ENPP3: variants seen among roughly 807,000 people sequenced by gnomAD.
ENPP3 encodes ectonucleotide pyrophosphatase/phosphodiesterase 3, also known as ectonucleotide pyrophosphatase/phosphodiesterase family member 3.
ENPP3 carries 104 observed loss-of-function variants against 117.8 expected under a neutral mutation model. The ratio of observed to expected loss-of-function variants is 0.88; its 90% CI spans 0.75 to 1.04. The LOEUF (loss-of-function observed/expected upper bound fraction) is 1.04. Ranked by LOEUF, ENPP3 falls within the 50% of genes least tolerant of loss-of-function variation. The pLI, the probability that ENPP3 is intolerant of heterozygous loss-of-function variation, is 0.00. For missense variants in ENPP3, 1,026 were observed against 1,051.9 expected (o/e 0.98, Z 0.34); for synonymous variants, 380 against 349.9 (o/e 1.09, Z -0.96).
intron 14 of ENPP3, among the ~76,000 whole-genome samples, chr6:131,686,568 C>T (rs1352893928): frequency 6.6e-6 from 1 of 152,092 alleles, no homozygotes; most frequent in Non-Finnish European, 1.5e-5. Flanking sequence ...AGATTTGTTA[C>T]ATGGGAATAT....
In ENPP3 at chr6:131,730,673, T is replaced by G. The variant is rs74647930; in HGVS notation, c.1954-2915T>G. Among the ~76,000 whole-genome samples the G allele has an allele frequency of 9.1e-4, 139 of 152,334 alleles. 5 individuals carry two copies. In the East Asian group the frequency reaches 0.025, roughly 28 times the overall value. ...GCTCACGCCTGTAATCCCAGCACTT[T>G]GGGACGCTGAGTGGATGGATCACCT... is the stretch of plus-strand genomic sequence containing the variant. On this transcript the variant is annotated intron_variant, in intron 20 of 24. Transcript: ENST00000357639.
intron 6 of ENPP3, among the ~76,000 whole-genome samples, chr6:131,665,388 G>A (rs1166952049): frequency 6.6e-6 from 1 of 151,906 alleles, no homozygotes; most frequent in Non-Finnish European, 1.5e-5. Context: ...CTTTTTCTTG[G>A]GAGGATTTTA....
At chr6:131,662,442 A>T (rs1460172714) in intron 6 of ENPP3, among the ~76,000 whole-genome samples, 1 of 152,080 alleles carries the variant, frequency 6.6e-6, no homozygotes, top group Non-Finnish European at 1.5e-5. Flanking sequence ...GCATTTTGCC[A>T]TGTTGTCCAG....
At chr6:131,694,028 G>A (rs1465388524) in intron 15 of ENPP3, among the ~76,000 whole-genome samples, 21 of 152,168 alleles carry the variant, frequency 1.4e-4, no homozygotes, top group Non-Finnish European at 1.5e-5. Flanking sequence ...CACATATAGG[G>A]CTGTAAGACC....
chr6:131,729,449 T>TA (rs1442684996), intron 20 of ENPP3, among the ~76,000 whole-genome samples: 12 of 152,212 alleles, frequency 7.9e-5, no homozygotes, highest in Admixed American at 6.5e-4. Flanking sequence ...AATGCCAGAC[T>TA]AAAAGTACAA....
chr6:131,731,980 C>T (rs1780290719), intron 20 of ENPP3, among the ~76,000 whole-genome samples: 1 of 152,182 alleles, frequency 6.6e-6, no homozygotes, highest in South Asian at 2.1e-4. Context: ...CTTTTCTCAT[C>T]TTCAGCTCCT....
intron 6 of ENPP3, among the ~76,000 whole-genome samples, chr6:131,660,538 C>T (rs2114342878): frequency 6.6e-6 from 1 of 152,326 alleles, no homozygotes; most frequent in Middle Eastern, 3.4e-3. Flanking sequence ...ATTTAGAAGA[C>T]AGCCTTCCTG....
chr6:131,722,500 T>G, intron 18 of ENPP3, 95 bp downstream of exon 18: 1 of 937,266 alleles, frequency 1.1e-6, no homozygotes, highest in Non-Finnish European at 1.7e-6. Flanking sequence ...ACCAGGTTTG[T>G]GTTCCGCCTT....
intron 15 of ENPP3, among the ~76,000 whole-genome samples, chr6:131,695,020 T>C (rs1397448600): frequency 6.6e-6 from 1 of 150,714 alleles, no homozygotes; most frequent in African/African-American, 2.5e-5. Flanking sequence ...AGTTTCACAC[T>C]GGTTCACTAG....
intron 23 of ENPP3, among the ~76,000 whole-genome samples, chr6:131,739,593 C>CTTTTT (rs71270397): frequency 3.1e-4 from 27 of 87,430 alleles, no homozygotes; most frequent in South Asian, 9.0e-4. Flanking sequence ...TCATGCTCTG[C>CTTTTT]TTTTTTTTTT....
rs747418568 is a variant in ENPP3, at chr6:131,693,610, G to C, written c.1398G>C (p.Gln466His). 1 of 1,613,232 alleles carries C rather than the reference G, an allele frequency of 6.2e-7. No homozygotes were observed. Reference protein sequence around the residue: ...IDKVHLFVDQQWLAVRSKSNT... With the variant: ...IDKVHLFVDQHWLAVRSKSNT... ...AAGTTCATCTCTTTGTGGATCAACA[G>C]TGGCTGGCTGTTAGGTTCGTGTATC... Residue 466 changes from glutamine (Q) to histidine (H), a missense_variant, in exon 15 of 25, where the codon CAG becomes CAC. Physicochemically the swap from Gln to His is conservative, Grantham distance 24. Coordinates refer to ENST00000357639, the MANE Select transcript of ENPP3 (RefSeq NM_005021.5).
intron 11 of ENPP3, among the ~76,000 whole-genome samples, chr6:131,681,086 G>A (rs985999318): frequency 7.2e-5 from 11 of 152,116 alleles, no homozygotes; most frequent in African/African-American, 9.7e-5. Context: ...TAAAAGGAAC[G>A]TTATGTCATG....
chr6:131,650,329 T>C (rs1450238066), intron 3 of ENPP3, among the ~76,000 whole-genome samples, 180 bp downstream of exon 3: 1 of 151,886 alleles, frequency 6.6e-6, no homozygotes, highest in African/African-American at 2.4e-5. Flanking sequence ...AATTGATCTT[T>C]CCACCTCAGC....
At chr6:131,666,149 A>G (rs544411759) in intron 6 of ENPP3, among the ~76,000 whole-genome samples, 15 of 152,202 alleles carry the variant, frequency 9.9e-5, no homozygotes, top group African/African-American at 3.6e-4. Context: ...AGAATGTTCC[A>G]TGCATACTTG....
At chr6:131,643,184 T>G (rs912876101) in intron 2 of ENPP3, among the ~76,000 whole-genome samples, 2 of 152,214 alleles carry the variant, frequency 1.3e-5, no homozygotes, top group African/African-American at 4.8e-5. Flanking sequence ...TCTTGTCACT[T>G]GGCTGTTGTG....
At chr6:131,649,048 G>A (rs886649437) in intron 2 of ENPP3, among the ~76,000 whole-genome samples, 5 of 152,146 alleles carry the variant, frequency 3.3e-5, no homozygotes, top group Non-Finnish European at 7.3e-5. Flanking sequence ...CTTGGCTCAT[G>A]CCTTTTCTTC....
At chr6:131,717,753 A>G (rs1779929543) in intron 15 of ENPP3, among the ~76,000 whole-genome samples, 1 of 152,188 alleles carries the variant, frequency 6.6e-6, no homozygotes, top group African/African-American at 2.4e-5. Flanking sequence ...AGAATATACT[A>G]GCTTCTTTTT....
At chr6:131,745,443 C>T (rs1053464475) in intron 24 of ENPP3, among the ~76,000 whole-genome samples, 1 of 151,976 alleles carries the variant, frequency 6.6e-6, no homozygotes, top group African/African-American at 2.4e-5. Context: ...CATGAAAACA[C>T]AGTAATCTGA....
chr6:131,643,498 G>T (rs911477095), intron 2 of ENPP3, among the ~76,000 whole-genome samples: 1 of 152,046 alleles, frequency 6.6e-6, no homozygotes, highest in Non-Finnish European at 1.5e-5. Flanking sequence ...CCCTGGCAGG[G>T]CATTGGTAAT....
Sources: allele counts gnomAD v4.1 joint callset (sites outside exome capture counted in the v4.1 genomes callset), GRCh38; gene constraint gnomAD v4.1.1; transcripts MANE v1.5; gene names NCBI Gene and HGNC (gene_info 2026-07-23, HGNC 2026-07-21).